Variants in KIAA1755 observed in about 807,000 individuals in gnomAD.
KIAA1755 encodes the protein uncharacterized protein KIAA1755.
KIAA1755 carries 68 observed loss-of-function variants against 91.7 expected under a neutral mutation model. The ratio of observed to expected loss-of-function variants is 0.74; its 90% CI spans 0.61 to 0.91. The LOEUF is 0.91. Ranked by LOEUF, KIAA1755 falls within the 40% of genes least tolerant of loss-of-function variation. KIAA1755 has a pLI of 0.00. For missense variants in KIAA1755, 1,535 were observed against 1,494.4 expected (o/e 1.03, Z -0.45); for synonymous variants, 610 against 604.6 (o/e 1.01, Z -0.13).
At chr20:38,215,871 C>T (rs182668286) in intron 13 of KIAA1755, among the ~76,000 whole-genome samples, 39 of 152,264 alleles carry the variant, frequency 2.6e-4, no homozygotes, top group African/African-American at 8.2e-4. Flanking sequence ...GAACAAAGCC[C>T]TGTGCCAGGG....
At chr20:38,216,466 T>C (rs956127289) in intron 13 of KIAA1755, among the ~76,000 whole-genome samples, 2 of 152,156 alleles carry the variant, frequency 1.3e-5, no homozygotes, top group Non-Finnish European at 2.9e-5. Context: ...GTCAGGTCTT[T>C]CTCATGCTTT....
rs771259902 is a variant in KIAA1755, at chr20:38,241,434, A to G, written c.697T>C (p.Leu233=). 2.5e-6 allele frequency: 4 copies of G among 1,613,996 alleles called. No individual in the cohort carries two copies. The East Asian group carries it at 6.7e-5, about 27-fold the overall frequency. The change falls in exon 3 of 14, where the codon TTG becomes CTG. Residue 233 remains leucine, a synonymous_variant. Coordinates refer to ENST00000279024, the MANE Select transcript of KIAA1755 (RefSeq NM_001029864.2). ...TATGTCCTGCCCTTACCCTTGGCCA[A>G]ACTCTGGGCAGGAAGCACCTGGTTG... ...PDNQVLPAQS[L]AKGKGRTYGS...
intron 8 of KIAA1755, among the ~76,000 whole-genome samples, 173 bp from the exon 9 acceptor site, chr20:38,223,809 T>C (rs2075706189): frequency 6.6e-6 from 1 of 152,086 alleles, no homozygotes; most frequent in African/African-American, 2.4e-5. Context: ...GCTCCTGAGG[T>C]TCTGCTTCAG....
intron 13 of KIAA1755, among the ~76,000 whole-genome samples, chr20:38,216,369 G>C (rs1348359889): frequency 6.6e-6 from 1 of 152,214 alleles, no homozygotes; most frequent in Non-Finnish European, 1.5e-5. Flanking sequence ...GGCGTGAGTT[G>C]ACCAGAGTCC....
chr20:38,213,839 G>A, intron 13 of KIAA1755, 96 bp from the exon 14 acceptor site: 1 of 863,902 alleles, frequency 1.2e-6, no homozygotes, highest in Non-Finnish European at 1.7e-6. Flanking sequence ...GCCCCGCTCA[G>A]CTTGGCCATG....
chr20:38,214,235 C>A (rs149600128), intron 13 of KIAA1755, among the ~76,000 whole-genome samples: 1 of 152,298 alleles, frequency 6.6e-6, no homozygotes, highest in African/African-American at 2.4e-5. Context: ...ATAGGCATGA[C>A]CCACTGCGCC....
At chr20:38,259,820 C>CACACACACACACACA (rs367702495) in intron 1 of KIAA1755, among the ~76,000 whole-genome samples, 68 of 138,792 alleles carry the variant, frequency 4.9e-4, no homozygotes, top group African/African-American at 1.8e-3. Flanking sequence ...ACCACCACCA[C>CACACACACACACACA]CACACACACA....
chr20:38,252,203 T>C (rs2076262386), intron 1 of KIAA1755, among the ~76,000 whole-genome samples: 2 of 152,206 alleles, frequency 1.3e-5, no homozygotes, highest in African/African-American at 4.8e-5. Context: ...TACAGGGTCT[T>C]GGGGAAAGTC....
chr20:38,252,993 G>A lies in KIAA1755; in HGVS notation c.4-6867C>T, dbSNP rs547118377. On this transcript the variant is annotated intron_variant, in intron 1 of 13. Coordinates refer to ENST00000279024, the MANE Select transcript of KIAA1755 (RefSeq NM_001029864.2). ...GACCACAGGAACCCAAACACCAGAC[G>A]TGGGCCCCTCAGCATGATTTCCATG... 2.0e-4 allele frequency among the ~76,000 whole-genome samples: 31 copies of A among 152,304 alleles called. No homozygotes were observed. In the East Asian group the frequency reaches 5.2e-3, roughly 26 times the overall value.
chr20:38,235,480 CA>C (rs998828167), intron 4 of KIAA1755, among the ~76,000 whole-genome samples: 1 of 152,202 alleles, frequency 6.6e-6, no homozygotes, highest in African/African-American at 2.4e-5. Context: ...TCCTTAAAAG[CA>C]GAGAACTTTT....
At position 38,260,591 on chromosome 20, in the gene KIAA1755, G is replaced by C; in HGVS notation, c.-91C>G. On this transcript the variant is annotated 5_prime_UTR_variant, in exon 1 of 14. Transcript: ENST00000279024. Reference sequence around the variant, plus strand: ...GGTCCGTCTGTCTGGGGCAGCCCTCGGTCCCGCCTAGCCCTGGAGCCAGGG... The same window carrying C: ...GGTCCGTCTGTCTGGGGCAGCCCTCCGTCCCGCCTAGCCCTGGAGCCAGGG... 1.4e-6 allele frequency: 2 copies of C among 1,447,392 alleles called. No homozygotes were observed. The highest frequency in any genetic ancestry group is 2.6e-4 in the Middle Eastern group (1 of 3,774). The allele number at this position is 1,447,392 out of a possible 1,614,324, so 89.7% of individuals were successfully genotyped here.
At chr20:38,243,430 C>T (rs1389310181) in intron 2 of KIAA1755, among the ~76,000 whole-genome samples, 2 of 152,204 alleles carry the variant, frequency 1.3e-5, no homozygotes, top group African/African-American at 4.8e-5. Flanking sequence ...TGCTTTCTCT[C>T]TCACCTTCTC....
chr20:38,212,794 C>T lies in KIAA1755; in HGVS notation c.*248G>A. 1 of 442,046 alleles carries T rather than the reference C, an allele frequency of 2.3e-6. No individual in the cohort carries two copies. 27.4% of individuals were successfully genotyped at this position (442,046 alleles called of 1,614,324 possible). On this transcript the variant is annotated 3_prime_UTR_variant, in exon 14 of 14. Coordinates refer to ENST00000279024, the MANE Select transcript of KIAA1755 (RefSeq NM_001029864.2). ...GAGCCTGGAGGGATGGAGCCAATCA[C>T]ACCATTTATTGTGCCCTGGTTCTGA... is the stretch of plus-strand genomic sequence containing the variant.
Position 38,211,648 on chromosome 20 carries a change from G to A in KIAA1755, c.*1394C>T, listed in dbSNP as rs1342897508. On this transcript the variant is annotated 3_prime_UTR_variant, in exon 14 of 14. Transcript: ENST00000279024. ...GACAGAAGACATTGAGTTCAGGGAG[G>A]CTTGGTGGGGAGGTGAGAGAGAGGA... The A allele has an allele frequency of 6.6e-6, 1 of 152,402 alleles. No individual in the cohort carries two copies. Among genetic ancestry groups the A allele is most frequent in the Non-Finnish European group, 1.5e-5 (1 of 68,174 alleles). The allele number at this position is 152,402 out of a possible 1,614,324, so 9.4% of individuals were successfully genotyped here.
At position 38,212,830 on chromosome 20, in the gene KIAA1755, T is replaced by A; in HGVS notation, c.*212A>T. 1 of 500,042 alleles carries A rather than the reference T, an allele frequency of 2.0e-6. No homozygotes were observed. Among genetic ancestry groups the A allele is most frequent in the African/African-American group, 1.9e-5 (1 of 53,028 alleles). The allele number at this position is 500,042 out of a possible 1,614,324, so 31.0% of individuals were successfully genotyped here. On this transcript the variant is annotated 3_prime_UTR_variant, in exon 14 of 14. Coordinates refer to ENST00000279024, the MANE Select transcript of KIAA1755 (RefSeq NM_001029864.2). ...GTGCCCTGGTTCTGACGCCCACTCTTGCTATTCTGCATGGGTGAAGATCGG... is the reference window on the plus strand; with the variant it reads ...GTGCCCTGGTTCTGACGCCCACTCTAGCTATTCTGCATGGGTGAAGATCGG...
Position 38,245,799 on chromosome 20 carries a change from A to G in KIAA1755, c.201+130T>C, listed in dbSNP as rs1466294425. ...CCCCTGGGCAAGCAATGATACTTGG[A>G]AAGTCCCCCCACACCCTCAGCTCCC... On this transcript the variant is annotated intron_variant, in intron 2 of 13. Coordinates refer to ENST00000279024, the MANE Select transcript of KIAA1755 (RefSeq NM_001029864.2). The G allele has an allele frequency of 3.7e-5, 29 of 775,992 alleles. No homozygotes were observed. The East Asian group carries it at 4.5e-4, about 12-fold the overall frequency. The allele number at this position is 775,992 out of a possible 1,614,324, so 48.1% of individuals were successfully genotyped here.
chr20:38,222,345 C>T (rs1323877119), intron 10 of KIAA1755, 104 bp downstream of exon 10: 8 of 1,274,158 alleles, frequency 6.3e-6, no homozygotes, highest in Non-Finnish European at 8.8e-6. Context: ...AGCTGGGCGC[C>T]CTCGGGGCTC....
At chr20:38,240,129 CCTT>C (rs2076029285) in intron 3 of KIAA1755, among the ~76,000 whole-genome samples, 1 of 151,820 alleles carries the variant, frequency 6.6e-6, no homozygotes, top group Admixed American at 6.6e-5. Flanking sequence ...TTCCTTTTTT[CCTT>C]CTTTTCTTTC....
intron 10 of KIAA1755, among the ~76,000 whole-genome samples, chr20:38,220,241 C>T (rs1186186849): frequency 6.6e-6 from 1 of 152,102 alleles, no homozygotes; most frequent in Non-Finnish European, 1.5e-5. Context: ...ATCTTAGTGC[C>T]CTGCCCCAGG....
Sources: gnomAD v4.1 joint callset for allele counts (sites outside exome capture counted in the v4.1 genomes callset) on GRCh38, gnomAD v4.1.1 for gene constraint, MANE v1.5 for transcripts, NCBI Gene and HGNC (gene_info 2026-07-23, HGNC 2026-07-21) for gene names.